BDP1: variants seen among roughly 807,000 people sequenced by gnomAD.
BDP1 encodes BDP1 general transcription factor IIIB subunit, also known as transcription factor TFIIIB component B'' homolog.
Under a neutral mutation model 266.6 loss-of-function variants are expected in BDP1, and 169 were observed. The observed-to-expected ratio is 0.63, with a 90% CI of 0.56 to 0.72. The LOEUF is 0.72. Among genes scored for constraint, BDP1 ranks in the 30% least tolerant of loss-of-function variants. The probability of loss-of-function intolerance (pLI) is 0.00; values close to 1 mark genes in which losing one functional copy is unlikely to be tolerated. For missense variants in BDP1, 3,015 were observed against 3,053.8 expected (o/e 0.99, Z 0.30); for synonymous variants, 1,090 against 1,022.4 (o/e 1.07, Z -1.26).
chr5:71,498,509 T>A (rs1764031161), intron 13 of BDP1, among the ~76,000 whole-genome samples: 1 of 151,968 alleles, frequency 6.6e-6, no homozygotes, highest in Admixed American at 6.6e-5. Flanking sequence ...CTGCAGCCTC[T>A]GCCTCCCAGG....
At chr5:71,488,314 G>T (rs1763388100) in intron 9 of BDP1, among the ~76,000 whole-genome samples, 1 of 151,870 alleles carries the variant, frequency 6.6e-6, no homozygotes, top group Non-Finnish European at 1.5e-5. Context: ...TTTTTGTAGA[G>T]ATGGGATTTT....
intron 25 of BDP1, among the ~76,000 whole-genome samples, chr5:71,530,665 T>C (rs905227084): frequency 3.9e-5 from 6 of 152,280 alleles, no homozygotes; most frequent in African/African-American, 1.4e-4. Context: ...ACTACAGGCA[T>C]GTGCCCCCGT....
At chr5:71,535,797 C>T (rs192492431) in intron 26 of BDP1, among the ~76,000 whole-genome samples, 6 of 152,202 alleles carry the variant, frequency 3.9e-5, no homozygotes, top group African/African-American at 1.4e-4. Context: ...GCCTCCATTA[C>T]CACATGGCAT....
intron 11 of BDP1, among the ~76,000 whole-genome samples, chr5:71,493,851 A>C (rs1307445859): frequency 6.6e-6 from 1 of 152,240 alleles, no homozygotes; most frequent in East Asian, 1.9e-4. Flanking sequence ...GGGCAAAGAT[A>C]GAACTAACTT....
At chr5:71,513,063 CAAAAAAAAAAAAAAA>C (rs34252624) in intron 18 of BDP1, 107 bp from the exon 19 acceptor site, 2 of 352,412 alleles carry the variant, frequency 5.7e-6, no homozygotes, top group African/African-American at 3.8e-5. Context: ...ACCCTGTCTC[CAAAAAAAAAAAAAAA>C]AAAAAAAAAA....
chr5:71,524,153 C>A lies in BDP1; in HGVS notation c.5602C>A (p.Leu1868Ile), dbSNP rs1765649286. Residue 1868 changes from leucine to isoleucine, a missense_variant, in exon 25 of 39, where the codon CTT becomes ATT. Transcript: ENST00000358731. ...AGCTTCCAAGGCCATGCTGGTGACT[C>A]TTCGGGCTTCCCAGGAAGAAGATGA... ...PRASKAMLVT[L>I]RASQEEDDDA... The A allele has an allele frequency of 6.2e-7, 1 of 1,614,044 alleles. No individual in the cohort carries two copies. The highest frequency in any genetic ancestry group is 1.7e-5 in the Admixed American group (1 of 60,000).
intron 25 of BDP1, among the ~76,000 whole-genome samples, chr5:71,530,088 A>G (rs1580155563): frequency 6.6e-6 from 1 of 152,378 alleles, no homozygotes; most frequent in Non-Finnish European, 1.5e-5. Flanking sequence ...TTTTTAAAAT[A>G]AACTGTATGA....
At position 71,466,112 on chromosome 5, in the gene BDP1, A is replaced by G; in HGVS notation, c.676A>G (p.Thr226Ala). 1 of 1,613,670 alleles carries G rather than the reference A, an allele frequency of 6.2e-7. No homozygotes were observed. Among genetic ancestry groups the G allele is most frequent in the South Asian group, 1.1e-5 (1 of 91,008 alleles). The change falls in exon 5 of 39, where the codon ACT becomes GCT. Residue 226 changes from threonine to alanine, a missense_variant. By Grantham distance (58) the Thr-to-Ala change is moderately conservative. Transcript: ENST00000358731. ...ATGTGGTAGGCAAGAAGGTAAGAGT[A>G]CTCCTAATGCTGAAGATAATGAAAT... The part of the protein sequence containing the change: ...VQTREQEGKS[T>A]PNAEDNEMEE...
chr5:71,530,408 TTTTTA>T (rs1267894408), intron 25 of BDP1, among the ~76,000 whole-genome samples: 2 of 151,760 alleles, frequency 1.3e-5, no homozygotes, highest in South Asian at 2.1e-4. Flanking sequence ...GCTAATTTTT[TTTTTA>T]TTTTATTTTC....
intron 29 of BDP1, 32 bp downstream of exon 29, chr5:71,541,714 C>T (rs1212787722): frequency 7.6e-7 from 1 of 1,312,194 alleles, no homozygotes; most frequent in East Asian, 2.4e-5. Context: ...ATAAATATTA[C>T]TAAAACCACC....
At chr5:71,541,800 A>C (rs374383925) in intron 29 of BDP1, 118 bp downstream of exon 29, 11 of 663,350 alleles carry the variant, frequency 1.7e-5, no homozygotes, top group East Asian at 9.0e-5. Flanking sequence ...CTTTAAAGAT[A>C]GACTGATTTT....
Position 71,491,145 on chromosome 5 carries a change from C to T in BDP1, c.1640+14C>T. ...CCTTTCATTAAGGTATTTTCTGTGT[C>T]TTTTCTGGTTTTATCCACATCTGTT... On this transcript the variant is annotated intron_variant, in intron 11 of 38. Transcript: ENST00000358731. 6.2e-7 allele frequency: 1 copy of T among 1,612,584 alleles called. No individual in the cohort carries two copies.
chr5:71,462,910 A>AT lies in BDP1; in HGVS notation c.599+986dup, dbSNP rs540021701. On this transcript the variant is annotated intron_variant, in intron 3 of 38. Coordinates refer to ENST00000358731, the MANE Select transcript of BDP1 (RefSeq NM_018429.3). ...CATTTTAGGAGGCCAAGGCGAGAGA[A>AT]TTGCTTGAGCCCAGGAGTTTGAGAC... Among the ~76,000 whole-genome samples, 908 of 151,886 alleles carry AT rather than the reference A, an allele frequency of 6.0e-3. 5 individuals carry two copies. The highest frequency in any genetic ancestry group is 7.9e-3 in the South Asian group (38 of 4,798).
intron 6 of BDP1, among the ~76,000 whole-genome samples, chr5:71,468,751 C>T (rs1161680080): frequency 6.6e-6 from 1 of 151,546 alleles, no homozygotes; most frequent in Non-Finnish European, 1.5e-5. Context: ...GGATTACAGG[C>T]GCCTGCCACC....
In BDP1 at chr5:71,549,561, C is replaced by T; in HGVS notation, c.6950C>T (p.Pro2317Leu). The T allele has an allele frequency of 6.2e-7, 1 of 1,612,588 alleles. No homozygotes were observed. Among genetic ancestry groups the T allele is most frequent in the Non-Finnish European group, 8.5e-7 (1 of 1,179,478 alleles). Residue 2317 changes from proline (P) to leucine (L), a missense_variant, in exon 34 of 39, where the codon CCC becomes CTC. This residue lies in a region of BDP1 where 629 missense variants were observed against 632.5 expected (regional missense o/e 0.99). Transcript: ENST00000358731. ...QFMPNPLLPA[P>L]ILVKSVNTEE... ...ATGCCAAACCCTTTACTGCCAGCTC[C>T]CATATTGGTCAAATCAGTGAATACC...
At chr5:71,541,266 G>C (rs536795880) in intron 28 of BDP1, among the ~76,000 whole-genome samples, 188 bp from the exon 29 acceptor site, 1 of 152,214 alleles carries the variant, frequency 6.6e-6, no homozygotes, top group Admixed American at 6.5e-5. Context: ...GCATGAAATA[G>C]GGAGATCATA....
intron 13 of BDP1, among the ~76,000 whole-genome samples, chr5:71,500,001 T>C (rs1279449690): frequency 6.6e-6 from 1 of 152,206 alleles, no homozygotes; most frequent in East Asian, 1.9e-4. Flanking sequence ...TTGTTATGCA[T>C]TGTGAAACTG....
chr5:71,571,876 C>T (rs970886740), downstream of BDP1, among the ~76,000 whole-genome samples: 1 of 152,126 alleles, frequency 6.6e-6, no homozygotes, highest in Non-Finnish European at 1.5e-5. Flanking sequence ...CCTGCCTCAC[C>T]CTCCCAAAAT....
intron 22 of BDP1, among the ~76,000 whole-genome samples, chr5:71,520,199 G>A (rs1294859339): frequency 6.6e-6 from 1 of 151,946 alleles, no homozygotes; most frequent in Non-Finnish European, 1.5e-5. Context: ...ATATATTCTG[G>A]TTATTAACTT....
Sources: allele counts gnomAD v4.1 joint callset (sites outside exome capture counted in the v4.1 genomes callset), GRCh38; gene constraint gnomAD v4.1.1; regional missense constraint gnomAD v4.1.1; transcripts MANE v1.5; gene names NCBI Gene and HGNC (gene_info 2026-07-23, HGNC 2026-07-21).